Variants in FRYL observed in about 807,000 individuals in gnomAD.
FRYL encodes the protein FRY like transcription coactivator.
FRYL carries 150 observed loss-of-function variants against 351.2 expected under a neutral mutation model. That is an observed-to-expected ratio of 0.43 (90% confidence interval 0.37 to 0.49). FRYL has a LOEUF of 0.49. Ranked by LOEUF, FRYL falls within the 20% of genes least tolerant of loss-of-function variation. The probability of loss-of-function intolerance (pLI) is 0.00; values close to 1 mark genes in which losing one functional copy is unlikely to be tolerated. For synonymous variants in FRYL, 1,153 were observed against 1,257.1 expected (o/e 0.92, Z 1.75); for missense variants, 3,036 against 3,619.3 (o/e 0.84, Z 4.13).
chr4:48,589,411 C>T (rs796303349), intron 18 of FRYL, among the ~76,000 whole-genome samples: 4 of 148,884 alleles, frequency 2.7e-5, no homozygotes, highest in African/African-American at 9.9e-5. Context: ...AGGGCTTTGG[C>T]AGTGAAAGCA....
chr4:48,745,718 G>A (rs1263343449), intron 1 of FRYL, among the ~76,000 whole-genome samples: 2 of 152,116 alleles, frequency 1.3e-5, no homozygotes, highest in Admixed American at 6.6e-5. Flanking sequence ...AAACCTGCAC[G>A]TTGTGCACAT....
chr4:48,541,164 T>G (rs1449577966), intron 45 of FRYL, among the ~76,000 whole-genome samples: 2 of 152,218 alleles, frequency 1.3e-5, no homozygotes, highest in African/African-American at 4.8e-5. Context: ...TGGCTAACAG[T>G]TTCCTTTGAG....
chr4:48,612,641 C>T (rs777734156), intron 7 of FRYL, among the ~76,000 whole-genome samples: 13 of 152,160 alleles, frequency 8.5e-5, no homozygotes, highest in South Asian at 4.1e-4. Flanking sequence ...TGCAGTGGCA[C>T]GATCTCTGCT....
At chr4:48,589,028 C>T (rs1447777425) in intron 18 of FRYL, among the ~76,000 whole-genome samples, 1 of 152,044 alleles carries the variant, frequency 6.6e-6, no homozygotes, top group Non-Finnish European at 1.5e-5. Flanking sequence ...GAGATATTAG[C>T]ATATAGTAGT....
chr4:48,625,154 A>G (rs1015847737), intron 4 of FRYL, among the ~76,000 whole-genome samples: 1 of 152,064 alleles, frequency 6.6e-6, no homozygotes, highest in Non-Finnish European at 1.5e-5. Flanking sequence ...TAATAAATCA[A>G]TCTCTCTTTC....
intron 34 of FRYL, 90 bp downstream of exon 34, chr4:48,557,363 C>T: frequency 6.7e-7 from 1 of 1,501,102 alleles, no homozygotes; most frequent in Non-Finnish European, 9.1e-7. Context: ...TTGGTTATCA[C>T]AGGATTATGG....
chr4:48,553,929 C>T (rs1241125813), intron 35 of FRYL, among the ~76,000 whole-genome samples: 2 of 152,154 alleles, frequency 1.3e-5, no homozygotes, highest in African/African-American at 2.4e-5. Flanking sequence ...GAAAGTTGCT[C>T]TCAGTTTTCT....
At chr4:48,729,830 T>C (rs1195882318) in intron 1 of FRYL, among the ~76,000 whole-genome samples, 1 of 152,150 alleles carries the variant, frequency 6.6e-6, no homozygotes, top group African/African-American at 2.4e-5. Flanking sequence ...AGAACGCCTC[T>C]TCTCATCCAA....
At chr4:48,639,743 A>C (rs965270979) in intron 3 of FRYL, among the ~76,000 whole-genome samples, 1 of 152,110 alleles carries the variant, frequency 6.6e-6, no homozygotes, top group Non-Finnish European at 1.5e-5. Context: ...TTGGGAGAAA[A>C]AAATTGCAAA....
At position 48,623,121 on chromosome 4, in the gene FRYL, C is replaced by A; in HGVS notation, c.174+5G>T. The A allele has an allele frequency of 1.9e-6, 3 of 1,576,798 alleles. No individual in the cohort carries two copies. The South Asian group carries it at 3.5e-5, about 19-fold the overall frequency. On this transcript the variant is annotated splice_donor_5th_base_variant and intron_variant, in intron 5 of 63. Coordinates refer to ENST00000358350, the MANE Select transcript of FRYL (RefSeq NM_015030.2). ...GAAAAAAAAATTCTCCCAAAATTGTCATACCTGATCAAACTGAAGATCTTC... is the reference window on the plus strand; with the variant it reads ...GAAAAAAAAATTCTCCCAAAATTGTAATACCTGATCAAACTGAAGATCTTC...
At chr4:48,600,859 A>C (rs1248709575) in intron 13 of FRYL, among the ~76,000 whole-genome samples, 1 of 152,192 alleles carries the variant, frequency 6.6e-6, no homozygotes, top group Non-Finnish European at 1.5e-5. Flanking sequence ...TAAAGAGTTC[A>C]ATCAGTTTGA....
chr4:48,638,584 T>G (rs1754716983), intron 3 of FRYL: 1 of 152,172 alleles, frequency 6.6e-6, no homozygotes, highest in Non-Finnish European at 1.5e-5. Context: ...AAATAACATT[T>G]GACTCAGCAA....
intron 7 of FRYL, among the ~76,000 whole-genome samples, chr4:48,617,203 T>C (rs1332437297): frequency 6.6e-6 from 1 of 152,090 alleles, no homozygotes; most frequent in Non-Finnish European, 1.5e-5. Flanking sequence ...TGGAATAATA[T>C]GGTGACAGAT....
Position 48,535,838 on chromosome 4 carries a change from AATAAAATT to A in FRYL, c.6394-19_6394-12del. On this transcript the variant is annotated splice_polypyrimidine_tract_variant and intron_variant, in intron 47 of 63. Transcript: ENST00000358350. ...TTCTTCTGCACAAACCTAGAAAACA[AATAAAATT>A]ATTTCATTCACCTAAAATAAAGACA... The A allele has an allele frequency of 6.7e-7, 1 of 1,491,294 alleles. No homozygotes were observed. The highest frequency in any genetic ancestry group is 2.4e-5 in the East Asian group (1 of 41,572). 92.4% of individuals were successfully genotyped at this position (1,491,294 alleles called of 1,614,324 possible).
intron 1 of FRYL, among the ~76,000 whole-genome samples, chr4:48,743,459 G>A (rs1381564508): frequency 1.3e-5 from 2 of 152,140 alleles, no homozygotes; most frequent in African/African-American, 4.8e-5. Flanking sequence ...TAACAGATAG[G>A]GAAACTTACA....
intron 41 of FRYL, 156 bp from the exon 42 acceptor site, chr4:48,546,427 A>G (rs1391189963): frequency 1.3e-5 from 8 of 617,950 alleles, no homozygotes; most frequent in Non-Finnish European, 2.3e-5. Context: ...ATCCTCATGA[A>G]CACCAAATTA....
At chr4:48,565,089 T>A in intron 29 of FRYL, 46 bp from the exon 30 acceptor site, 1 of 1,124,224 alleles carries the variant, frequency 8.9e-7, no homozygotes, top group Non-Finnish European at 1.3e-6. Flanking sequence ...TTTAAGAGGT[T>A]AAATGTTGGT....
rs1242773128 is a variant in FRYL at position 48,617,347 on chromosome 4, A to ATT, written c.411+1925_411+1926dup. On this transcript the variant is annotated intron_variant, in intron 7 of 63. Transcript: ENST00000358350. ...GAGTCCACCAAAGAAAAAAAAAAAG[A>ATT]TTTTTTTTTTTTTTTTAAAGAGACA... Among the ~76,000 whole-genome samples the ATT allele has an allele frequency of 5.5e-3, 757 of 138,060 alleles. 5 individuals carry two copies. The highest frequency in any genetic ancestry group is 0.019 in the African/African-American group (717 of 37,664). The allele number at this position is 138,060 out of a possible 152,430, so 90.6% of individuals were successfully genotyped here. A position where few individuals can be genotyped will look rare whatever the true frequency, so the allele number is the denominator to read the frequency against.
At chr4:48,540,221 A>T in intron 46 of FRYL, 132 bp downstream of exon 46, 1 of 1,229,278 alleles carries the variant, frequency 8.1e-7, no homozygotes. Context: ...TTACCAAATA[A>T]TTTAAGCTAC....
Sources: allele counts gnomAD v4.1 joint callset (sites outside exome capture counted in the v4.1 genomes callset), GRCh38; gene constraint gnomAD v4.1.1; transcripts MANE v1.5; gene names NCBI Gene and HGNC (gene_info 2026-07-23, HGNC 2026-07-21).